The following ATP2C1 variants were observed in gnomAD, a reference collection of about 807,000 sequenced individuals.
ATP2C1 encodes the protein calcium-transporting ATPase type 2C member 1.
In ATP2C1, 31 loss-of-function variants were observed where a neutral mutation model predicts 120.5. The ratio of observed to expected loss-of-function variants is 0.26; its 90% CI spans 0.19 to 0.35. ATP2C1 has a LOEUF of 0.35. Ranked by LOEUF, ATP2C1 falls within the 10% of genes least tolerant of loss-of-function variation. ATP2C1 has a pLI of 1.00. For missense variants in ATP2C1, 731 were observed against 1,107.5 expected, an observed-to-expected ratio of 0.66 and a Z score of 4.83; for synonymous variants, 351 against 358.7, an observed-to-expected ratio of 0.98 and a Z score of 0.24.
At chr3:130,941,840 T>C (rs2059934230) in intron 8 of ATP2C1, 141 bp downstream of exon 8, 1 of 730,908 alleles carries the variant, frequency 1.4e-6, no homozygotes, top group Non-Finnish European at 2.3e-6. Context: ...ATATAAACTT[T>C]TTTTTTTCCT....
intron 19 of ATP2C1, among the ~76,000 whole-genome samples, 191 bp from the exon 20 acceptor site, chr3:130,980,391 A>C (rs1279681877): frequency 6.6e-6 from 1 of 151,868 alleles, no homozygotes; most frequent in East Asian, 1.9e-4. Flanking sequence ...AAAATTCTTT[A>C]TTCTTAAATT....
At chr3:130,895,054 T>A (rs2069473626) in intron 2 of ATP2C1, among the ~76,000 whole-genome samples, 1 of 152,176 alleles carries the variant, frequency 6.6e-6, no homozygotes, top group African/African-American at 2.4e-5. Context: ...AGTTTTCATT[T>A]CAGATAGCGT....
chr3:130,993,378 T>G, intron 21 of ATP2C1, among the ~76,000 whole-genome samples: 1 of 152,206 alleles, frequency 6.6e-6, no homozygotes, highest in Non-Finnish European at 1.5e-5. Context: ...AGGCTATGAT[T>G]ATTTATATTA....
intron 6 of ATP2C1, among the ~76,000 whole-genome samples, chr3:130,938,614 G>A (rs2059768972): frequency 6.6e-6 from 1 of 152,136 alleles, no homozygotes; most frequent in African/African-American, 2.4e-5. Context: ...CGCTTTTAGG[G>A]GAATCTTCTT....
intron 1 of ATP2C1, among the ~76,000 whole-genome samples, chr3:130,875,092 C>A (rs2068558375): frequency 6.6e-6 from 1 of 152,100 alleles, no homozygotes; most frequent in South Asian, 2.1e-4. Flanking sequence ...ATTAGCATAT[C>A]CCTCACCTCA....
chr3:131,002,160 A>C lies in ATP2C1; in HGVS notation c.*810A>C. 3.1e-6 allele frequency: 3 copies of C among 978,844 alleles called. No individual in the cohort carries two copies. The South Asian group carries it at 1.4e-4, about 46-fold the overall frequency. The allele number at this position is 978,844 out of a possible 1,614,324, so 60.6% of individuals were successfully genotyped here. A position where few individuals can be genotyped will look rare whatever the true frequency, so the allele number is the denominator to read the frequency against. ...ACTGATTGGGTTGAAGTTTATAATA[A>C]ATTATATTAACATGTCTTCCTTTTT... On this transcript the variant is annotated 3_prime_UTR_variant, in exon 28 of 28. Transcript: ENST00000510168.
intron 6 of ATP2C1, among the ~76,000 whole-genome samples, chr3:130,940,029 A>T (rs1391056847): frequency 6.6e-6 from 1 of 152,192 alleles, no homozygotes; most frequent in East Asian, 1.9e-4. Context: ...ACTGACCCTC[A>T]GCTATTTGTT....
At chr3:130,908,474 A>G (rs972410558) in intron 2 of ATP2C1, among the ~76,000 whole-genome samples, 15 of 152,034 alleles carry the variant, frequency 9.9e-5, no homozygotes, top group Non-Finnish European at 1.8e-4. Context: ...GAAATTAAAA[A>G]AAAAAAACAC....
intron 2 of ATP2C1, among the ~76,000 whole-genome samples, chr3:130,895,079 A>G (rs2069476182): frequency 6.6e-6 from 1 of 152,134 alleles, no homozygotes; most frequent in South Asian, 2.1e-4. Flanking sequence ...GCATGTTTAA[A>G]TAGCTATTTG....
At chr3:130,986,908 GT>G (rs1357819256) in intron 20 of ATP2C1, among the ~76,000 whole-genome samples, 4 of 36,356 alleles carry the variant, frequency 1.1e-4, no homozygotes, top group African/African-American at 1.3e-4. Context: ...GTTTAGTTTA[GT>G]TTAGTTTAGT....
Position 130,937,408 on chromosome 3 carries a change from A to G in ATP2C1, c.325-20A>G. On this transcript the variant is annotated intron_variant, in intron 5 of 27. Coordinates refer to ENST00000510168, the MANE Select transcript of ATP2C1 (RefSeq NM_001378687.1). ...TTCTCAAGTTAATGTCTGATTTAAAAGCCTGTTTCTTTTGTTTAGGCAATA... is the reference window on the plus strand; with the variant it reads ...TTCTCAAGTTAATGTCTGATTTAAAGGCCTGTTTCTTTTGTTTAGGCAATA... 2 of 1,610,054 alleles carry G rather than the reference A, an allele frequency of 1.2e-6. No individual in the cohort carries two copies. Among genetic ancestry groups the G allele is most frequent in the Non-Finnish European group, 1.7e-6 (2 of 1,176,386 alleles).
chr3:130,962,506 A>G (rs1485109566), intron 12 of ATP2C1, among the ~76,000 whole-genome samples: 2 of 151,924 alleles, frequency 1.3e-5, no homozygotes, highest in African/African-American at 4.8e-5. Flanking sequence ...GTTGCATCCA[A>G]AAGATGTTAC....
At chr3:130,878,315 A>C (rs1312358549) in intron 1 of ATP2C1, among the ~76,000 whole-genome samples, 3 of 152,092 alleles carry the variant, frequency 2.0e-5, no homozygotes, top group Non-Finnish European at 1.5e-5. Context: ...TTTAGCCCTA[A>C]GGTTGCTATT....
chr3:130,918,326 A>C (rs867571825), intron 2 of ATP2C1: 45 of 1,563,874 alleles, frequency 2.9e-5, no homozygotes, highest in Middle Eastern at 2.3e-4. Flanking sequence ...TTTTTCAGTC[A>C]GGAGTTGTTG....
At chr3:130,873,891 C>T (rs1363375840) in intron 1 of ATP2C1, among the ~76,000 whole-genome samples, 1 of 152,108 alleles carries the variant, frequency 6.6e-6, no homozygotes, top group Non-Finnish European at 1.5e-5. Flanking sequence ...GTGGGCAGAT[C>T]ACAAGGTCAG....
chr3:130,964,848 C>A, intron 13 of ATP2C1, 100 bp from the exon 14 acceptor site: 2 of 779,440 alleles, frequency 2.6e-6, no homozygotes, highest in Non-Finnish European at 4.2e-6. Flanking sequence ...CTATAAAATT[C>A]AGAGAAGTAG....
intron 20 of ATP2C1, among the ~76,000 whole-genome samples, chr3:130,981,394 T>A (rs1174772773): frequency 5.3e-5 from 8 of 152,210 alleles, no homozygotes; most frequent in Non-Finnish European, 1.2e-4. Flanking sequence ...TGTTGTTTTT[T>A]AAAGTAATAT....
At chr3:130,901,055 T>C (rs774302994) in intron 2 of ATP2C1, among the ~76,000 whole-genome samples, 74 of 152,108 alleles carry the variant, frequency 4.9e-4, no homozygotes, top group Non-Finnish European at 9.0e-4. Flanking sequence ...CTCTGTTGAG[T>C]GTCAGTTCTA....
chr3:130,990,272 A>AACCCCC (rs1553779030), intron 20 of ATP2C1, among the ~76,000 whole-genome samples: 2 of 102,066 alleles, frequency 2.0e-5, no homozygotes, highest in Non-Finnish European at 4.0e-5. Flanking sequence ...CTTAAGAGCA[A>AACCCCC]CCCCCCCCCC....
Sources: gnomAD v4.1 joint callset for allele counts (sites outside exome capture counted in the v4.1 genomes callset) on GRCh38, gnomAD v4.1.1 for gene constraint, MANE v1.5 for transcripts, NCBI Gene and HGNC (gene_info 2026-07-23, HGNC 2026-07-21) for gene names.